The following SYNPR variants were observed in gnomAD, a reference collection of about 807,000 sequenced individuals.
SYNPR encodes the protein synaptoporin.
Under a neutral mutation model 32.9 loss-of-function variants are expected in SYNPR, and 23 were observed. The observed-to-expected ratio is 0.70, with a 90% CI of 0.50 to 0.99. SYNPR has a LOEUF of 0.99. Among genes scored for constraint, SYNPR ranks in the 50% least tolerant of loss-of-function variants. The probability of loss-of-function intolerance (pLI) is 0.00; values close to 1 mark genes in which losing one functional copy is unlikely to be tolerated. For missense variants in SYNPR, 318 were observed against 349.3 expected, an observed-to-expected ratio of 0.91 and a Z score of 0.71; for synonymous variants, 146 against 135.9, an observed-to-expected ratio of 1.07 and a Z score of -0.52.
At chr3:63,544,830 C>T (rs1035918433) in intron 3 of SYNPR, among the ~76,000 whole-genome samples, 4 of 151,938 alleles carry the variant, frequency 2.6e-5, no homozygotes, top group Admixed American at 6.6e-5. Flanking sequence ...ATTACATTCA[C>T]GCACCATGAC....
At chr3:63,337,453 T>A (rs1428782251) in intron 2 of SYNPR, among the ~76,000 whole-genome samples, 1 of 152,088 alleles carries the variant, frequency 6.6e-6, no homozygotes, top group African/African-American at 2.4e-5. Flanking sequence ...GAAGATAGTT[T>A]CACAGTTTCA....
chr3:63,369,099 G>A (rs1449851471), intron 2 of SYNPR, among the ~76,000 whole-genome samples: 1 of 152,126 alleles, frequency 6.6e-6, no homozygotes, highest in East Asian at 1.9e-4. Context: ...TTAAAATGAG[G>A]CCCTTAGAGT....
chr3:63,549,698 T>C (rs900735578), intron 3 of SYNPR, among the ~76,000 whole-genome samples: 3 of 152,192 alleles, frequency 2.0e-5, no homozygotes, highest in African/African-American at 7.2e-5. Context: ...CCTGAAAGGA[T>C]AGTTGCATTT....
intron 2 of SYNPR, among the ~76,000 whole-genome samples, chr3:63,370,473 T>C (rs1437367426): frequency 3.9e-5 from 6 of 152,222 alleles, no homozygotes; most frequent in African/African-American, 1.4e-4. Flanking sequence ...TTCCTCTTAA[T>C]AGAACTTCAT....
At chr3:63,225,099 G>T (rs150821279), upstream of SYNPR, among the ~76,000 whole-genome samples, 9 of 152,202 alleles carry the variant, frequency 5.9e-5, no homozygotes, top group Admixed American at 5.9e-4. Flanking sequence ...ACCTGTGGGA[G>T]CCAGGACCTC....
chr3:63,464,498 C>T (rs1315948780), intron 2 of SYNPR, among the ~76,000 whole-genome samples: 1 of 152,158 alleles, frequency 6.6e-6, no homozygotes, highest in African/African-American at 2.4e-5. Context: ...CTAATCTTCA[C>T]ATCTTCCTTT....
At chr3:63,368,130 G>C (rs2087749873) in intron 2 of SYNPR, among the ~76,000 whole-genome samples, 1 of 152,216 alleles carries the variant, frequency 6.6e-6, no homozygotes, top group Non-Finnish European at 1.5e-5. Context: ...ATAGAATTTA[G>C]TGACAGGCTA....
intron 4 of SYNPR, among the ~76,000 whole-genome samples, chr3:63,573,152 C>T (rs1391009541): frequency 1.3e-5 from 2 of 152,106 alleles, no homozygotes; most frequent in African/African-American, 4.8e-5. Context: ...TCTCTGAAGT[C>T]ACTGAGAATA....
chr3:63,275,476 A>G (rs1241745735), upstream of SYNPR, among the ~76,000 whole-genome samples: 1 of 152,146 alleles, frequency 6.6e-6, no homozygotes, highest in Non-Finnish European at 1.5e-5. Flanking sequence ...TGGTGTTTGG[A>G]GAACTGGAAA....
intron 2 of SYNPR, among the ~76,000 whole-genome samples, chr3:63,319,503 G>A (rs920116751): frequency 1.3e-5 from 2 of 151,614 alleles, no homozygotes; most frequent in African/African-American, 4.9e-5. Context: ...AACCAAGAAA[G>A]TAATCCCATT....
At chr3:63,227,349 T>C (rs2086135794), upstream of SYNPR, among the ~76,000 whole-genome samples, 1 of 152,160 alleles carries the variant, frequency 6.6e-6, no homozygotes, top group African/African-American at 2.4e-5. Flanking sequence ...CTGTTTTAAA[T>C]AGAGGATCTG....
At chr3:63,223,901 A>G (rs1560161120), upstream of SYNPR, among the ~76,000 whole-genome samples, 1 of 152,124 alleles carries the variant, frequency 6.6e-6, no homozygotes. Context: ...TCCCCACTTC[A>G]TGATGCATGT....
At chr3:63,317,820 C>T (rs1360909124) in intron 2 of SYNPR, among the ~76,000 whole-genome samples, 1 of 151,554 alleles carries the variant, frequency 6.6e-6, no homozygotes, top group Non-Finnish European at 1.5e-5. Context: ...TTTATTTTTG[C>T]TTTTAACACA....
chr3:63,473,898 G>C (rs575441391), intron 2 of SYNPR, among the ~76,000 whole-genome samples: 51 of 152,346 alleles, frequency 3.3e-4, no homozygotes, highest in Middle Eastern at 3.4e-3. Context: ...CTGGGTACTT[G>C]TAGTGCCTGC....
chr3:63,463,925 T>G (rs901428524), intron 2 of SYNPR, among the ~76,000 whole-genome samples: 11 of 152,186 alleles, frequency 7.2e-5, no homozygotes, highest in African/African-American at 2.7e-4. Context: ...TCTGCTTCCT[T>G]TCACTTATAT....
chr3:63,540,928 C>A (rs1410225315), intron 3 of SYNPR, among the ~76,000 whole-genome samples: 3 of 116,400 alleles, frequency 2.6e-5, no homozygotes, highest in African/African-American at 8.9e-5. Context: ...AATCCCCCCC[C>A]CAACACACAC....
intron 3 of SYNPR, among the ~76,000 whole-genome samples, chr3:63,511,080 A>T (rs1701689389): frequency 6.6e-6 from 1 of 151,938 alleles, no homozygotes; most frequent in Non-Finnish European, 1.5e-5. Context: ...AAGCCTAAAA[A>T]TCTGGGTAGT....
At chr3:63,317,120 T>C (rs1345929901) in intron 2 of SYNPR, among the ~76,000 whole-genome samples, 1 of 152,044 alleles carries the variant, frequency 6.6e-6, no homozygotes, top group Non-Finnish European at 1.5e-5. Flanking sequence ...TTTAATTTTC[T>C]TAAATGTATT....
Position 63,609,143 on chromosome 3 carries a change from G to C in SYNPR, c.427G>C (p.Val143Leu), listed in dbSNP as rs765876610. ...TCTGTAGGACTTCATTGTCACTGTA[G>C]TCTTTTCGTTCTTGTGGTTGGTGGG... ...GPLIDFIVTV[V>L]FSFLWLVGSS... The change falls in exon 5 of 6, where the codon GTC (valine) becomes CTC (leucine). Residue 143 changes from valine (V) to leucine (L), a missense_variant. Physicochemically the swap from Val to Leu is conservative, Grantham distance 32. Coordinates refer to ENST00000478300, the MANE Select transcript of SYNPR (RefSeq NM_001130003.2). 6 of 1,609,138 alleles carry C rather than the reference G, an allele frequency of 3.7e-6. No individual in the cohort carries two copies. Among genetic ancestry groups the C allele is most frequent in the Non-Finnish European group, 4.2e-6 (5 of 1,177,642 alleles).
Sources: gnomAD v4.1 joint callset for allele counts (sites outside exome capture counted in the v4.1 genomes callset) on GRCh38, gnomAD v4.1.1 for gene constraint, MANE v1.5 for transcripts, NCBI Gene and HGNC (gene_info 2026-07-23, HGNC 2026-07-21) for gene names.